The following WNT9A variants were observed in gnomAD, a reference collection of about 807,000 sequenced individuals.
WNT9A encodes protein Wnt-9a.
A neutral mutation model predicts 31.4 loss-of-function variants in WNT9A; 8 were observed. The observed-to-expected ratio is 0.26, with a 90% CI of 0.15 to 0.46. The LOEUF (loss-of-function observed/expected upper bound fraction) is 0.46, where lower values mean the gene tolerates loss of function less well. WNT9A is among the 20% of genes least tolerant of loss of function. The pLI, the probability that WNT9A is intolerant of heterozygous loss-of-function variation, is 0.99. For missense variants in WNT9A, 457 were observed against 522.9 expected, an observed-to-expected ratio of 0.87 and a Z score of 1.23; for synonymous variants, 236 against 220.1, an observed-to-expected ratio of 1.07 and a Z score of -0.64.
chr1:227,932,296 A>G (rs1351114341), intron 1 of WNT9A, among the ~76,000 whole-genome samples: 3 of 152,250 alleles, frequency 2.0e-5, no homozygotes, highest in Non-Finnish European at 4.4e-5. Flanking sequence ...TTGTTTATCC[A>G]TAAGAAGCAA....
At chr1:227,927,111 G>C (rs759511548) in intron 1 of WNT9A, among the ~76,000 whole-genome samples, 31 of 152,180 alleles carry the variant, frequency 2.0e-4, no homozygotes, top group Non-Finnish European at 3.5e-4. Context: ...AGGATGCTCA[G>C]AGCCAGCCCG....
At position 227,924,433 on chromosome 1, in the gene WNT9A, G is replaced by A. The variant is rs777636669; in HGVS notation, c.353-33C>T. On this transcript the variant is annotated intron_variant, in intron 2 of 3. Transcript: ENST00000272164. ...TGGCAAGGGCCGATCAGTGAGCCCA[G>A]GCTGCCCAGAGTTCCCCCTTCACTG... is the stretch of plus-strand genomic sequence containing the variant. The A allele has an allele frequency of 1.1e-5, 17 of 1,593,852 alleles. No homozygotes were observed. The East Asian group carries it at 3.6e-4, about 34-fold the overall frequency.
chr1:227,930,245 C>T (rs1005407314), intron 1 of WNT9A, among the ~76,000 whole-genome samples: 4 of 152,166 alleles, frequency 2.6e-5, no homozygotes, highest in African/African-American at 9.7e-5. Context: ...TGCCGAGTCG[C>T]GCCCCAGGTG....
intron 1 of WNT9A, among the ~76,000 whole-genome samples, chr1:227,927,323 C>G (rs1280380943): frequency 6.6e-6 from 1 of 152,170 alleles, no homozygotes; most frequent in African/African-American, 2.4e-5. Flanking sequence ...AGCAAATCCC[C>G]AAGGTCCCAG....
At position 227,921,953 on chromosome 1, in the gene WNT9A, T is replaced by C. The variant is rs369584413; in HGVS notation, c.663A>G (p.Ser221=). Reference sequence around the variant, plus strand: ...AGCAGGTCCGCACCGTGCATGAGCCTGACACGCCGTGGCACTTGCAGGTGG... The same window carrying C: ...AGCAGGTCCGCACCGTGCATGAGCCCGACACGCCGTGGCACTTGCAGGTGG... ...VETTCKCHGV[S]GSCTVRTCWR... The change falls in exon 4 of 4, where the codon TCA becomes TCG. Residue 221 remains serine (S), a synonymous_variant. Coordinates refer to ENST00000272164, the MANE Select transcript of WNT9A (RefSeq NM_003395.4). 6.8e-6 allele frequency: 11 copies of C among 1,612,478 alleles called. No individual in the cohort carries two copies. Among genetic ancestry groups the C allele is most frequent in the Non-Finnish European group, 8.5e-6 (10 of 1,179,618 alleles).
At chr1:227,927,545 C>G (rs945296613) in intron 1 of WNT9A, among the ~76,000 whole-genome samples, 2 of 152,180 alleles carry the variant, frequency 1.3e-5, no homozygotes, top group Non-Finnish European at 2.9e-5. Flanking sequence ...CAGACACCTC[C>G]AAGCCCCAGG....
chr1:227,944,249 T>C (rs796628424), intron 1 of WNT9A, among the ~76,000 whole-genome samples: 16 of 152,066 alleles, frequency 1.1e-4, no homozygotes, highest in African/African-American at 3.9e-4. Context: ...TGATGCTGAG[T>C]GAGAGAAGCC....
chr1:227,943,911 G>A (rs930793051), intron 1 of WNT9A, among the ~76,000 whole-genome samples: 1 of 152,164 alleles, frequency 6.6e-6, no homozygotes, highest in Non-Finnish European at 1.5e-5. Context: ...AGCCTCTGAG[G>A]TGGAGGCAGC....
chr1:227,944,543 C>T (rs1355554940), intron 1 of WNT9A, among the ~76,000 whole-genome samples: 1 of 152,206 alleles, frequency 6.6e-6, no homozygotes, highest in Non-Finnish European at 1.5e-5. Context: ...AACAAAAAGC[C>T]TCAGCCAGCC....
In WNT9A at chr1:227,924,321, G is replaced by A; in HGVS notation, c.432C>T (p.Gly144=). The A allele has an allele frequency of 1.2e-6, 2 of 1,613,598 alleles. No individual in the cohort carries two copies. The highest frequency in any genetic ancestry group is 1.7e-6 in the Non-Finnish European group (2 of 1,179,962). The change falls in exon 3 of 4, where the codon GGC becomes GGT. Residue 144 remains glycine (G), a synonymous_variant. Coordinates refer to ENST00000272164, the MANE Select transcript of WNT9A (RefSeq NM_003395.4). Reference sequence around the variant, plus strand: ...CATCGCAGGTACAGCGCTCCATGCGGCCCGCGCTGCACGCCTTGGCCAGTG... The same window carrying A: ...CATCGCAGGTACAGCGCTCCATGCGACCCGCGCTGCACGCCTTGGCCAGTG... ...THALAKACSA[G]RMERCTCDEA...
chr1:227,923,718 G>A (rs1358845708), intron 3 of WNT9A, among the ~76,000 whole-genome samples: 15 of 152,072 alleles, frequency 9.9e-5, no homozygotes, highest in Admixed American at 9.8e-4. Context: ...TCCCACCTTG[G>A]TCTGTGGGGG....
intron 1 of WNT9A, among the ~76,000 whole-genome samples, chr1:227,947,108 A>G (rs1003442752): frequency 4.6e-5 from 7 of 152,154 alleles, no homozygotes; most frequent in African/African-American, 1.7e-4. Context: ...AGGAAGAGAG[A>G]GACGCGCCGA....
At position 227,925,132 on chromosome 1, in the gene WNT9A, C is replaced by T; in HGVS notation, c.352+131G>A. 1 of 1,368,500 alleles carries T rather than the reference C, an allele frequency of 7.3e-7. No homozygotes were observed. Among genetic ancestry groups the T allele is most frequent in the Non-Finnish European group, 9.5e-7 (1 of 1,047,916 alleles). The allele number at this position is 1,368,500 out of a possible 1,614,324, so 84.8% of individuals were successfully genotyped here. ...GGGCTGCCCTTTCCAGGGCCTAGGC[C>T]CAGGAGCTCTGGGCAGGCTGGGCCC... On this transcript the variant is annotated intron_variant, in intron 2 of 3. Transcript: ENST00000272164. This position sits in a 1 kb window ranked among gnomAD's most constrained non-coding sequence, Gnocchi z 6.0.
intron 1 of WNT9A, among the ~76,000 whole-genome samples, chr1:227,939,028 G>A (rs1009623768): frequency 6.6e-6 from 1 of 152,174 alleles, no homozygotes; most frequent in Non-Finnish European, 1.5e-5. Flanking sequence ...GGCTCCACGG[G>A]ACACCCATAC....
chr1:227,927,888 G>C (rs372216079), intron 1 of WNT9A, among the ~76,000 whole-genome samples: 2 of 151,900 alleles, frequency 1.3e-5, no homozygotes, highest in Non-Finnish European at 2.9e-5. Context: ...GGGGAGGGGA[G>C]AGGGAGGGCA....
rs148384382 is a variant in WNT9A, at chr1:227,921,805, G to A, written c.811C>T (p.Arg271Trp). The A allele has an allele frequency of 1.8e-4, 288 of 1,612,814 alleles. 1 individual carries two copies. Among genetic ancestry groups the A allele is most frequent in the Middle Eastern group, 8.3e-4 (5 of 6,060 alleles). ...CCACCTGCCCCCGAGGCACGGCCCC[G>A]TGGTGGGGAGATGGCACCTGCCTCG... ...AGEAGAISPPRGRASGAGGSD... is the reference protein window; with the variant it reads ...AGEAGAISPPWGRASGAGGSD... Residue 271 changes from arginine (R) to tryptophan (W), a missense_variant, in exon 4 of 4, where the codon CGG (arginine) becomes TGG (tryptophan). Physicochemically the swap from Arg to Trp is moderately radical, Grantham distance 101. Coordinates refer to ENST00000272164, the MANE Select transcript of WNT9A (RefSeq NM_003395.4).
chr1:227,925,929 C>T lies in WNT9A; in HGVS notation c.96-410G>A, dbSNP rs1179807507. 6.6e-6 allele frequency among the ~76,000 whole-genome samples: 1 copy of T among 152,104 alleles called. No homozygotes were observed. The highest frequency in any genetic ancestry group is 1.5e-5 in the Non-Finnish European group (1 of 67,990). On this transcript the variant is annotated intron_variant, in intron 1 of 3. Transcript: ENST00000272164. This position sits in a 1 kb window ranked among gnomAD's most constrained non-coding sequence, Gnocchi z 6.0. ...AACTATGCCTGATGGGCGTCTGCCACATCCTCCACCCTCTTTGGCCCCAGC... is the reference window on the plus strand; with the variant it reads ...AACTATGCCTGATGGGCGTCTGCCATATCCTCCACCCTCTTTGGCCCCAGC...
intron 1 of WNT9A, among the ~76,000 whole-genome samples, chr1:227,940,296 A>AC (rs1666672306): frequency 6.6e-6 from 1 of 150,944 alleles, no homozygotes; most frequent in Admixed American, 6.6e-5. Flanking sequence ...TGCACGCAGG[A>AC]CCCCCCGGGG....
intron 1 of WNT9A, 118 bp downstream of exon 1, chr1:227,947,675 G>C (rs1422513810): frequency 1.1e-5 from 5 of 475,072 alleles, no homozygotes; most frequent in African/African-American, 4.2e-5. Context: ...CAGGCAACCC[G>C]GCGGCCCCGC....
Sources: gnomAD v4.1 joint callset for allele counts (sites outside exome capture counted in the v4.1 genomes callset) on GRCh38, gnomAD v4.1.1 for gene constraint, Gnocchi (gnomAD v3.1) non-coding constraint, MANE v1.5 for transcripts, NCBI Gene and HGNC (gene_info 2026-07-23, HGNC 2026-07-21) for gene names.